Variants in DRC8 observed in about 807,000 individuals in gnomAD.
DRC8 encodes the protein dynein regulatory complex subunit 8.
the DRC8 span, among the ~76,000 whole-genome samples, chr1:245,065,311 C>T: frequency 6.6e-6 from 1 of 151,972 alleles, no homozygotes; most frequent in Admixed American, 6.6e-5. Flanking sequence ...CCTCGGCCTC[C>T]CAAAGTGCTC....
At chr1:245,031,628 G>A in the DRC8 span, among the ~76,000 whole-genome samples, 2 of 152,138 alleles carry the variant, frequency 1.3e-5, no homozygotes, top group Admixed American at 1.3e-4. Flanking sequence ...TGACTATTGT[G>A]TTAAGCCACT....
the DRC8 span, among the ~76,000 whole-genome samples, chr1:245,100,395 G>GTAATAATAATAATAA: frequency 0.014 from 2,114 of 149,250 alleles, 56 homozygotes; most frequent in African/African-American, 0.043. Context: ...AAAAGTAGTA[G>GTAATAATAATAATAA]TAATAATAAT....
At chr1:245,055,590 T>G in the DRC8 span, among the ~76,000 whole-genome samples, 1 of 152,170 alleles carries the variant, frequency 6.6e-6, no homozygotes, top group African/African-American at 2.4e-5. Context: ...CCCAGAGTGC[T>G]GGGATTACAG....
the DRC8 span, chr1:245,086,747 AC>A: frequency 5.6e-6 from 3 of 533,310 alleles, no homozygotes; most frequent in African/African-American, 1.9e-5. Flanking sequence ...TGTCGTTATC[AC>A]CCCCATTCTA....
chr1:245,058,075 A>G, the DRC8 span, among the ~76,000 whole-genome samples: 3 of 151,984 alleles, frequency 2.0e-5, no homozygotes, highest in African/African-American at 7.3e-5. Flanking sequence ...GCCTGCAATA[A>G]GAGTGAGAAT....
the DRC8 span, among the ~76,000 whole-genome samples, chr1:245,004,178 C>A: frequency 3.6e-4 from 55 of 151,654 alleles, no homozygotes; most frequent in African/African-American, 1.2e-3. Context: ...GCCTCTGGAG[C>A]AGCTGGGACT....
the DRC8 span, among the ~76,000 whole-genome samples, chr1:245,119,942 T>A: frequency 2.0e-5 from 1 of 48,948 alleles, no homozygotes; most frequent in African/African-American, 9.4e-5. Context: ...CAAAAAAAAA[T>A]AAAAAATAAG....
the DRC8 span, among the ~76,000 whole-genome samples, chr1:245,038,012 A>G: frequency 2.6e-5 from 4 of 152,350 alleles, no homozygotes; most frequent in South Asian, 2.1e-4. Context: ...ATGTTGTTGG[A>G]TAAGAGGACT....
At chr1:245,085,726 G>A in the DRC8 span, among the ~76,000 whole-genome samples, 27 of 152,144 alleles carry the variant, frequency 1.8e-4, no homozygotes, top group South Asian at 2.1e-4. Context: ...GGTGCTGGTC[G>A]GTTTGTTAGA....
the DRC8 span, among the ~76,000 whole-genome samples, chr1:245,000,273 TGAA>T: frequency 6.6e-6 from 1 of 152,224 alleles, no homozygotes; most frequent in Admixed American, 6.5e-5. Context: ...CTTCTTGTGA[TGAA>T]GAAGGGATGG....
the DRC8 span, among the ~76,000 whole-genome samples, chr1:244,997,612 C>T: frequency 1.4e-5 from 2 of 146,246 alleles, no homozygotes; most frequent in Non-Finnish European, 3.0e-5. Context: ...GGTGTGATCT[C>T]GGCTCACCAC....
chr1:244,976,020 G>T, the DRC8 span, among the ~76,000 whole-genome samples: 1 of 151,966 alleles, frequency 6.6e-6, no homozygotes, highest in Non-Finnish European at 1.5e-5. Context: ...TGTAATTCCA[G>T]CACTTTGGGA....
the DRC8 span, among the ~76,000 whole-genome samples, chr1:245,076,074 C>T: frequency 6.6e-5 from 10 of 152,324 alleles, no homozygotes; most frequent in South Asian, 1.0e-3. Flanking sequence ...CCACATTCCA[C>T]GTGGCATTTT....
At chr1:245,042,326 A>G in the DRC8 span, among the ~76,000 whole-genome samples, 1 of 152,250 alleles carries the variant, frequency 6.6e-6, no homozygotes, top group Non-Finnish European at 1.5e-5. Context: ...AGGACTATAT[A>G]AGAAATAACA....
chr1:245,042,075 T>C, the DRC8 span, among the ~76,000 whole-genome samples: 3 of 152,368 alleles, frequency 2.0e-5, no homozygotes, highest in African/African-American at 7.2e-5. Context: ...AAAATTCGCT[T>C]AGATTTATTT....
chr1:244,995,360 T>C, the DRC8 span, among the ~76,000 whole-genome samples: 1 of 147,138 alleles, frequency 6.8e-6, no homozygotes, highest in East Asian at 2.0e-4. Context: ...AGACTCCATC[T>C]CAAAAAAAAA....
At chr1:245,119,455 G>A in the DRC8 span, among the ~76,000 whole-genome samples, 1 of 150,982 alleles carries the variant, frequency 6.6e-6, no homozygotes, top group East Asian at 2.0e-4. Flanking sequence ...AGGAGGCCAG[G>A]AGTTGGAGAC....
chr1:245,064,592 G>C, the DRC8 span, among the ~76,000 whole-genome samples: 1 of 152,212 alleles, frequency 6.6e-6, no homozygotes, highest in Non-Finnish European at 1.5e-5. Flanking sequence ...TAACTTCTTG[G>C]GAAAGAGTGC....
chr1:245,071,428 G>A, the DRC8 span, among the ~76,000 whole-genome samples: 1 of 152,198 alleles, frequency 6.6e-6, no homozygotes, highest in Non-Finnish European at 1.5e-5. Flanking sequence ...AATGAGGGAT[G>A]AGGTATTGGA....
Sources: gnomAD v4.1 joint callset for allele counts (sites outside exome capture counted in the v4.1 genomes callset) on GRCh38, gnomAD v4.1.1 for gene constraint, MANE v1.5 for transcripts, NCBI Gene and HGNC (gene_info 2026-07-23, HGNC 2026-07-21) for gene names.